Variants in PCDHGB1 observed in about 807,000 individuals in gnomAD.
PCDHGB1 encodes the protein protocadherin gamma subfamily B, 1, also known as protocadherin gamma-B1.
In PCDHGB1, 34 loss-of-function variants were observed where a neutral mutation model predicts 56.6. That is an observed-to-expected ratio of 0.60 (90% CI 0.46 to 0.80). The LOEUF is 0.80. Among genes scored for constraint, PCDHGB1 ranks in the 30% least tolerant of loss-of-function variants. PCDHGB1 has a pLI of 0.00. For synonymous variants in PCDHGB1, 561 were observed against 505.9 expected (o/e 1.11, Z -1.46); for missense variants, 1,278 against 1,204.6 (o/e 1.06, Z -0.90).
intron 1 of PCDHGB1, chr5:141,422,266 G>A (rs1393466157): frequency 6.4e-7 from 1 of 1,563,654 alleles, no homozygotes; most frequent in Non-Finnish European, 8.6e-7. Context: ...TAACGCTCCA[G>A]AAATAACTAT....
rs953397576 is a variant in PCDHGB1, at chr5:141,410,111, G to A, written c.2409+57442G>A. 6 of 1,612,264 alleles carry A rather than the reference G, an allele frequency of 3.7e-6. No homozygotes were observed. In the African/African-American group the frequency reaches 6.7e-5, roughly 18 times the overall value. On this transcript the variant is annotated intron_variant, in intron 1 of 3. Transcript: ENST00000523390. ...GGCTCGAGCCTTAGGCGACAGGGACGCAGCCCGCCAGCGCCTGCTGGTCGC... is the reference window on the plus strand; with the variant it reads ...GGCTCGAGCCTTAGGCGACAGGGACACAGCCCGCCAGCGCCTGCTGGTCGC...
chr5:141,370,786 C>T (rs1378558214), intron 1 of PCDHGB1: 1 of 1,613,972 alleles, frequency 6.2e-7, no homozygotes, highest in East Asian at 2.2e-5. Flanking sequence ...GACAACCCAC[C>T]GACCTTTAGC....
Position 141,432,442 on chromosome 5 carries a change from G to A in PCDHGB1, c.2410-62365G>A. 1 of 1,614,228 alleles carries A rather than the reference G, an allele frequency of 6.2e-7. No individual in the cohort carries two copies. Among genetic ancestry groups the A allele is most frequent in the Non-Finnish European group, 8.5e-7 (1 of 1,180,042 alleles). On this transcript the variant is annotated intron_variant, in intron 1 of 3. Transcript: ENST00000523390. The surrounding 1 kb of genome is among the most constrained non-coding windows in gnomAD (Gnocchi z 6.0). ...TGGACCAGAACGACAATGCGCCCGA[G>A]ATCCTGTACCCCGCCCTCCCCACGG...
chr5:141,451,116 CCA>C (rs1257364243), intron 1 of PCDHGB1, among the ~76,000 whole-genome samples: 1 of 152,200 alleles, frequency 6.6e-6, no homozygotes, highest in Non-Finnish European at 1.5e-5. Context: ...GCGTGAGCCA[CCA>C]CACCCAGCCT....
At chr5:141,460,981 GTGTATATA>G (rs1342006423) in intron 1 of PCDHGB1, among the ~76,000 whole-genome samples, 30 of 121,890 alleles carry the variant, frequency 2.5e-4, no homozygotes, top group African/African-American at 5.8e-4. Flanking sequence ...GTGTGTGTGT[GTGTATATA>G]TATATATGTG....
intron 1 of PCDHGB1, chr5:141,419,330 C>G (rs2096361200): frequency 1.9e-6 from 3 of 1,613,958 alleles, no homozygotes; most frequent in Non-Finnish European, 2.5e-6. Context: ...CTCCTACTCT[C>G]TCATTGCCAG....
Position 141,486,558 on chromosome 5 carries a change from T to C in PCDHGB1, c.2410-8249T>C, listed in dbSNP as rs544575797. 1 of 1,614,034 alleles carries C rather than the reference T, an allele frequency of 6.2e-7. No homozygotes were observed. Among genetic ancestry groups the C allele is most frequent in the Non-Finnish European group, 8.5e-7 (1 of 1,180,012 alleles). ...TCTTTCTTTCAGAGGTCACATGAGG[T>C]GTTTGTTCCTGAGAACAATCGCCCA... On this transcript the variant is annotated intron_variant, in intron 1 of 3. Coordinates refer to ENST00000523390, the MANE Select transcript of PCDHGB1 (RefSeq NM_018922.3). This position sits in a 1 kb window ranked among gnomAD's most constrained non-coding sequence, Gnocchi z 5.0.
chr5:141,488,572 T>C (rs888054788), intron 1 of PCDHGB1, among the ~76,000 whole-genome samples: 28 of 152,212 alleles, frequency 1.8e-4, no homozygotes, highest in African/African-American at 6.8e-4. Flanking sequence ...CCGCAAAGCA[T>C]TGCTGGAGAG....
intron 1 of PCDHGB1, chr5:141,361,583 C>A: frequency 6.2e-7 from 1 of 1,614,032 alleles, no homozygotes; most frequent in Non-Finnish European, 8.5e-7. Context: ...GACTTGGGCC[C>A]CAGTGGCCAA....
At chr5:141,363,093 G>A (rs992729487) in intron 1 of PCDHGB1, among the ~76,000 whole-genome samples, 1 of 152,222 alleles carries the variant, frequency 6.6e-6, no homozygotes, top group African/African-American at 2.4e-5. Context: ...ATTTCTAAAG[G>A]ACAGGCAATG....
At chr5:141,403,979 A>G in intron 1 of PCDHGB1, 1 of 1,613,932 alleles carries the variant, frequency 6.2e-7, no homozygotes, top group Non-Finnish European at 8.5e-7. Context: ...TGTAAATGAC[A>G]ATAGACCTGA....
intron 1 of PCDHGB1, chr5:141,411,443 G>A (rs780563062): frequency 6.6e-6 from 1 of 151,948 alleles, no homozygotes; most frequent in African/African-American, 2.4e-5. Context: ...CATTAGCAGA[G>A]TGTGGTAGCA....
At chr5:141,399,842 A>G (rs749737928) in intron 1 of PCDHGB1, 11 of 1,612,852 alleles carry the variant, frequency 6.8e-6, no homozygotes, top group Non-Finnish European at 8.5e-7. Flanking sequence ...GCGCTCTTCG[A>G]TATGGTGCCG....
chr5:141,441,359 G>T (rs932747576), intron 1 of PCDHGB1: 1 of 152,522 alleles, frequency 6.6e-6, no homozygotes, highest in Non-Finnish European at 1.5e-5. Flanking sequence ...TGTAACAAAT[G>T]GGGCCGTGGA....
intron 1 of PCDHGB1, chr5:141,383,406 T>C (rs780989648): frequency 6.2e-7 from 1 of 1,613,748 alleles, no homozygotes; most frequent in Admixed American, 1.7e-5. Context: ...CCCTCCAGAG[T>C]TACCAGCTCA....
In PCDHGB1 at chr5:141,421,851, T is replaced by A. The variant is rs771169063; in HGVS notation, c.2409+69182T>A. 16 of 1,613,596 alleles carry A rather than the reference T, an allele frequency of 9.9e-6. No homozygotes were observed. The Middle Eastern group carries it at 4.9e-4, about 50-fold the overall frequency. On this transcript the variant is annotated intron_variant, in intron 1 of 3. Coordinates refer to ENST00000523390, the MANE Select transcript of PCDHGB1 (RefSeq NM_018922.3). ...GCCTGGACCGAGAGAAAGAGGCTGC[T>A]CACCTGCTCCTCCTCACAGCTTTAG...
chr5:141,359,142 A>T (rs903512422), intron 1 of PCDHGB1, among the ~76,000 whole-genome samples: 1 of 152,224 alleles, frequency 6.6e-6, no homozygotes, highest in Non-Finnish European at 1.5e-5. Context: ...AGTAAGCTGG[A>T]ATATGATATG....
chr5:141,357,537 C>T lies in PCDHGB1; in HGVS notation c.2409+4868C>T, dbSNP rs951939582. The stretch of plus-strand genomic sequence containing the variant: ...CCCAACCCAGCTATGCAGACACGCT[C>T]ATCAGCCGGGAGAGTTGTGAGAAAA... On this transcript the variant is annotated intron_variant, in intron 1 of 3. Transcript: ENST00000523390. 4 of 1,614,116 alleles carry T rather than the reference C, an allele frequency of 2.5e-6. No individual in the cohort carries two copies. In the African/African-American group the frequency reaches 5.3e-5, roughly 22 times the overall value.
At chr5:141,385,619 T>C (rs1478717188) in intron 1 of PCDHGB1, 1 of 1,064,028 alleles carries the variant, frequency 9.4e-7, no homozygotes, top group Non-Finnish European at 1.2e-6. Flanking sequence ...ATTTTATACA[T>C]TGGAATGAAT....
Sources: gnomAD v4.1 joint callset for allele counts (sites outside exome capture counted in the v4.1 genomes callset) on GRCh38, gnomAD v4.1.1 for gene constraint, Gnocchi (gnomAD v3.1) non-coding constraint, MANE v1.5 for transcripts, NCBI Gene and HGNC (gene_info 2026-07-23, HGNC 2026-07-21) for gene names.